The following DIRAS3 variants were observed in gnomAD, a reference collection of about 807,000 sequenced individuals.
The protein encoded by DIRAS3 is DIRAS family GTPase 3, also known as GTP-binding protein Di-Ras3.
For missense variants in DIRAS3, 248 were observed against 300.6 expected (o/e 0.83, Z 1.29); for synonymous variants, 133 against 131.4 (o/e 1.01, Z -0.08).
Position 68,047,370 on chromosome 1 carries a change from G to C in DIRAS3, c.-65-8C>G, listed in dbSNP as rs1182123094. ...GCTGGCAGCAGGAGACCCCTAGGAA[G>C]AAAGTGAGACGGTGAGAGATGGTAG... On this transcript the variant is annotated splice_polypyrimidine_tract_variant and splice_region_variant and intron_variant, in intron 1 of 1. Coordinates refer to ENST00000646789, the MANE Select transcript of DIRAS3 (RefSeq NM_004675.5). 2.5e-5 allele frequency: 34 copies of C among 1,385,266 alleles called. No individual in the cohort carries two copies. The highest frequency in any genetic ancestry group is 3.3e-5 in the Non-Finnish European group (33 of 1,011,740). The allele number at this position is 1,385,266 out of a possible 1,614,324, so 85.8% of individuals were successfully genotyped here.
chr1:68,049,977 C>T (rs2100335768), intron 1 of DIRAS3, among the ~76,000 whole-genome samples: 1 of 151,386 alleles, frequency 6.6e-6, no homozygotes, highest in East Asian at 1.9e-4. Flanking sequence ...CCCCCACTCC[C>T]CTCCACACTC....
chr1:68,046,904 C>T lies in DIRAS3; in HGVS notation c.394G>A (p.Glu132Lys), dbSNP rs147087321. Residue 132 changes from glutamate (E) to lysine (K), a missense_variant, in exon 2 of 2, where the codon GAG becomes AAG. By Grantham distance (56) the Glu-to-Lys change is moderately conservative. Coordinates refer to ENST00000646789, the MANE Select transcript of DIRAS3 (RefSeq NM_004675.5). ...TTACCTTTGATCTTGCAGATCAGCT[C>T]ATAGAAGGCCTTCAGCTCTTCCAGG... ...ETLEELKAFY[E>K]LICKIKGNNL... The T allele has an allele frequency of 1.2e-6, 2 of 1,614,054 alleles. No homozygotes were observed. The highest frequency in any genetic ancestry group is 1.7e-6 in the Non-Finnish European group (2 of 1,180,050).
rs201765268 is a variant in DIRAS3, at chr1:68,048,741, T to TG, written c.-65-1380_-65-1379insC. On this transcript the variant is annotated intron_variant, in intron 1 of 1. Coordinates refer to ENST00000646789, the MANE Select transcript of DIRAS3 (RefSeq NM_004675.5). The stretch of plus-strand genomic sequence containing the variant: ...AGAGTTTTGGTGGTGGTTTTTTTTT[T>TG]TTTGTTTTTTTTTTTTGAGTCAGGG... 2.1e-3 allele frequency among the ~76,000 whole-genome samples: 270 copies of TG among 129,308 alleles called. 1 individual carries two copies. Among genetic ancestry groups the TG allele is most frequent in the African/African-American group, 0.01 (261 of 25,802 alleles). The allele number at this position is 129,308 out of a possible 152,430, so 84.8% of individuals were successfully genotyped here. A position where few individuals can be genotyped will look rare whatever the true frequency, so the allele number is the denominator to read the frequency against.
chr1:68,049,155 G>A (rs1318905010), intron 1 of DIRAS3, among the ~76,000 whole-genome samples: 1 of 152,098 alleles, frequency 6.6e-6, no homozygotes, highest in African/African-American at 2.4e-5. Context: ...TTCTAAGAGT[G>A]TTCTAAACTT....
At position 68,047,149 on chromosome 1, in the gene DIRAS3, T is replaced by C; in HGVS notation, c.149A>G (p.Lys50Arg). Residue 50 changes from lysine (K) to arginine (R), a missense_variant, in exon 2 of 2, where the codon AAA becomes AGA. Transcript: ENST00000646789. ...CGCCCACTTGTGCAGCAGCGTACTT[T>C]TCCCCACACCAGCGGTGCCGACTAC... ...VVVVGTAGVG[K>R]STLLHKWASG... 6.2e-7 allele frequency: 1 copy of C among 1,614,176 alleles called. No homozygotes were observed. The highest frequency in any genetic ancestry group is 8.5e-7 in the Non-Finnish European group (1 of 1,180,026).
Position 68,050,257 on chromosome 1 carries a change from C to T in DIRAS3, c.-66+291G>A, listed in dbSNP as rs1220021785. 6.6e-6 allele frequency among the ~76,000 whole-genome samples: 1 copy of T among 152,222 alleles called. No homozygotes were observed. The highest frequency in any genetic ancestry group is 1.5e-5 in the Non-Finnish European group (1 of 68,032). ...ACTTCCTGAACACTAGCTACCTACG[C>T]AGCTGTAATAGTGGACACTGTGTCA... On this transcript the variant is annotated intron_variant, in intron 1 of 1. Transcript: ENST00000646789. This position sits in a 1 kb window ranked among gnomAD's most constrained non-coding sequence, Gnocchi z 4.5.
Position 68,046,452 on chromosome 1 carries a change from A to T in DIRAS3, c.*156T>A. 1 of 672,396 alleles carries T rather than the reference A, an allele frequency of 1.5e-6. No individual in the cohort carries two copies. 41.7% of individuals were successfully genotyped at this position (672,396 alleles called of 1,614,324 possible). A position where few individuals can be genotyped will look rare whatever the true frequency, so the allele number is the denominator to read the frequency against. ...TTGAATTCTCTGGCCTGGGAAAAAGAAAAGTTATCCACTTACAAGGTATAC... is the reference window on the plus strand; with the variant it reads ...TTGAATTCTCTGGCCTGGGAAAAAGTAAAGTTATCCACTTACAAGGTATAC... On this transcript the variant is annotated 3_prime_UTR_variant, in exon 2 of 2. Transcript: ENST00000646789.
rs989489146 is a variant in DIRAS3 at position 68,047,317 on chromosome 1, GA to G, written c.-21del. 2 of 1,606,258 alleles carry G rather than the reference GA, an allele frequency of 1.2e-6. No homozygotes were observed. The highest frequency in any genetic ancestry group is 2.7e-5 in the African/African-American group (2 of 74,818). On this transcript the variant is annotated 5_prime_UTR_variant, in exon 2 of 2. Transcript: ENST00000646789. ...ACCCATCGTTGGGATTCGGAGGGGA[GA>G]TACGTGCACAAGTTCTCCCACACTT...
At position 68,046,174 on chromosome 1, in the gene DIRAS3, T is replaced by C. The variant is rs1645670622; in HGVS notation, c.*434A>G. The C allele has an allele frequency of 6.4e-6, 1 of 156,436 alleles. No homozygotes were observed. The highest frequency in any genetic ancestry group is 2.4e-5 in the African/African-American group (1 of 41,506). The allele number at this position is 156,436 out of a possible 1,614,324, so 9.7% of individuals were successfully genotyped here. A position where few individuals can be genotyped will look rare whatever the true frequency, so the allele number is the denominator to read the frequency against. On this transcript the variant is annotated 3_prime_UTR_variant, in exon 2 of 2. Transcript: ENST00000646789. Reference sequence around the variant, plus strand: ...TCACGCAGCAATTTATCAAAAGCTTTTGTTGTGAAAACACTTTTCTTAAAT... The same window carrying C: ...TCACGCAGCAATTTATCAAAAGCTTCTGTTGTGAAAACACTTTTCTTAAAT...
At chr1:68,047,748 A>G (rs1645687796) in intron 1 of DIRAS3, among the ~76,000 whole-genome samples, 1 of 151,670 alleles carries the variant, frequency 6.6e-6, no homozygotes, top group Non-Finnish European at 1.5e-5. Context: ...AGGTGAGGGA[A>G]TTTTCCCCAC....
intron 1 of DIRAS3, among the ~76,000 whole-genome samples, chr1:68,049,180 A>C (rs574187278): frequency 9.8e-5 from 15 of 152,362 alleles, no homozygotes; most frequent in Non-Finnish European, 1.8e-4. Context: ...GGCAAAATTT[A>C]AGTAGATGAT....
intron 1 of DIRAS3, among the ~76,000 whole-genome samples, chr1:68,048,049 A>AATAT (rs57871159): frequency 0.1 from 749 of 7,240 alleles, 77 homozygotes; most frequent in East Asian, 0.14. Flanking sequence ...AAAAAAAAAA[A>AATAT]ATATATATAT....
At position 68,046,193 on chromosome 1, in the gene DIRAS3, C is replaced by T. The variant is rs1408101312; in HGVS notation, c.*415G>A. 1 of 156,806 alleles carries T rather than the reference C, an allele frequency of 6.4e-6. No homozygotes were observed. The highest frequency in any genetic ancestry group is 1.4e-5 in the Non-Finnish European group (1 of 70,982). The allele number at this position is 156,806 out of a possible 1,614,324, so 9.7% of individuals were successfully genotyped here. A position where few individuals can be genotyped will look rare whatever the true frequency, so the allele number is the denominator to read the frequency against. On this transcript the variant is annotated 3_prime_UTR_variant, in exon 2 of 2. Transcript: ENST00000646789. The stretch of plus-strand genomic sequence containing the variant: ...AAGCTTTTGTTGTGAAAACACTTTT[C>T]TTAAATACACAATTAAAAGATATGA...
chr1:68,048,077 T>TATAC (rs1214408838), intron 1 of DIRAS3, among the ~76,000 whole-genome samples: 1 of 109,068 alleles, frequency 9.2e-6, no homozygotes, highest in African/African-American at 3.5e-5. Context: ...TATATATATA[T>TATAC]ATATATGAAC....
At chr1:68,048,499 A>G (rs1156898141) in intron 1 of DIRAS3, among the ~76,000 whole-genome samples, 2 of 152,146 alleles carry the variant, frequency 1.3e-5, no homozygotes, top group Non-Finnish European at 2.9e-5. Flanking sequence ...TTTCTAGGTG[A>G]TGATGGTCCT....
intron 1 of DIRAS3, chr1:68,049,821 G>C (rs1313624982): frequency 6.6e-6 from 1 of 152,158 alleles, no homozygotes; most frequent in Non-Finnish European, 1.5e-5. Flanking sequence ...TTAAGCACAG[G>C]AGTTCAAGAC....
chr1:68,047,064 C>G lies in DIRAS3; in HGVS notation c.234G>C (p.Leu78=). The G allele has an allele frequency of 6.2e-7, 1 of 1,614,146 alleles. No homozygotes were observed. The highest frequency in any genetic ancestry group is 8.5e-7 in the Non-Finnish European group (1 of 1,180,032). Residue 78 remains leucine, a synonymous_variant, in exon 2 of 2, where the codon CTG becomes CTC. Transcript: ENST00000646789. ...GGGAAAGCACACCGTGGCTGCAGCC[C>G]AGCAACTGGCAGTAGGTATTTTCAA... ...PTIENTYCQL[L]GCSHGVLSLH... is the part of the protein sequence containing the mutation.
rs370918535 is a variant in DIRAS3 at position 68,046,772 on chromosome 1, C to T, written c.526G>A (p.Ala176Thr). ...GATCAMEWNC[A>T]FMEISAKTDV... ...GTCTTGGCTGAAATCTCCATGAAGG[C>T]GCAATTCCACTCCATCGCACAGGTG... Residue 176 changes from alanine (A) to threonine (T), a missense_variant, in exon 2 of 2, where the codon GCC becomes ACC. Transcript: ENST00000646789. 8.8e-5 allele frequency: 142 copies of T among 1,614,050 alleles called. No homozygotes were observed. The highest frequency in any genetic ancestry group is 1.1e-4 in the Non-Finnish European group (132 of 1,180,044).
At position 68,046,103 on chromosome 1, in the gene DIRAS3, C is replaced by T. The variant is rs767555064; in HGVS notation, c.*505G>A. 1 of 153,364 alleles carries T rather than the reference C, an allele frequency of 6.5e-6. No homozygotes were observed. Among genetic ancestry groups the T allele is most frequent in the Non-Finnish European group, 1.5e-5 (1 of 68,960 alleles). The allele number at this position is 153,364 out of a possible 1,614,324, so 9.5% of individuals were successfully genotyped here. On this transcript the variant is annotated 3_prime_UTR_variant, in exon 2 of 2. Transcript: ENST00000646789. Reference sequence around the variant, plus strand: ...GTCACTTTCACAATTTTCTCTGCTCCCACACCCCTAATGATCAACATATTC... The same window carrying T: ...GTCACTTTCACAATTTTCTCTGCTCTCACACCCCTAATGATCAACATATTC...
Sources: allele counts gnomAD v4.1 joint callset (sites outside exome capture counted in the v4.1 genomes callset), GRCh38; gene constraint gnomAD v4.1.1; non-coding constraint Gnocchi (gnomAD v3.1); transcripts MANE v1.5; gene names NCBI Gene and HGNC (gene_info 2026-07-23, HGNC 2026-07-21).